The following SDC2 variants were observed in gnomAD, a reference collection of about 807,000 sequenced individuals.
SDC2 encodes syndecan-2.
Under a neutral mutation model 22.2 loss-of-function variants are expected in SDC2, and 13 were observed. The ratio of observed to expected loss-of-function variants is 0.59; its 90% confidence interval spans 0.38 to 0.93. The LOEUF (loss-of-function observed/expected upper bound fraction) is 0.93. SDC2 is among the 40% of genes least tolerant of loss of function. The probability of loss-of-function intolerance (pLI) is 0.00; values close to 1 mark genes in which losing one functional copy is unlikely to be tolerated. For synonymous variants in SDC2, 94 were observed against 92.8 expected, an observed-to-expected ratio of 1.01 and a Z score of -0.07; for missense variants, 235 against 246.8, an observed-to-expected ratio of 0.95 and a Z score of 0.32.
Position 96,602,375 on chromosome 8 carries a change from A to G in SDC2, c.173-20A>G, listed in dbSNP as rs745874667. On this transcript the variant is annotated intron_variant, in intron 2 of 4. Transcript: ENST00000302190. ...GTGTCATGATTGCCATGCTCAGTTC[A>G]TCTTCACTTACTTTTCCAGGAGCTG... is the stretch of plus-strand genomic sequence containing the variant. 6.2e-7 allele frequency: 1 copy of G among 1,613,002 alleles called. No individual in the cohort carries two copies. Among genetic ancestry groups the G allele is most frequent in the East Asian group, 2.2e-5 (1 of 44,858 alleles).
intron 1 of SDC2, among the ~76,000 whole-genome samples, chr8:96,559,669 G>A (rs1302429741): frequency 1.3e-5 from 2 of 152,112 alleles, no homozygotes; most frequent in Non-Finnish European, 2.9e-5. Flanking sequence ...TTTGTTTTGA[G>A]TTTTATACCT....
chr8:96,538,686 G>C (rs1348621708), intron 1 of SDC2: 1 of 152,238 alleles, frequency 6.6e-6, no homozygotes, highest in Non-Finnish European at 1.5e-5. Flanking sequence ...CCCATGCTCT[G>C]ATATTTCAGA....
At chr8:96,601,726 G>C (rs1814991144) in intron 2 of SDC2, among the ~76,000 whole-genome samples, 1 of 151,768 alleles carries the variant, frequency 6.6e-6, no homozygotes, top group African/African-American at 2.4e-5. Flanking sequence ...AGCCATAGGA[G>C]AGTTTTCCTG....
At chr8:96,533,308 T>C (rs10109139) in intron 1 of SDC2, among the ~76,000 whole-genome samples, 10,649 of 152,194 alleles carry the variant, frequency 0.07, 1,231 homozygotes, top group African/African-American at 0.24. Context: ...CCACATCCTG[T>C]TGATTGGTCC....
At chr8:96,580,005 G>C (rs1406686732) in intron 1 of SDC2, among the ~76,000 whole-genome samples, 1 of 152,198 alleles carries the variant, frequency 6.6e-6, no homozygotes, top group Non-Finnish European at 1.5e-5. Flanking sequence ...CCCCCAGCAC[G>C]ATTGATTATA....
chr8:96,536,561 G>A (rs1356434118), intron 1 of SDC2, among the ~76,000 whole-genome samples: 2 of 152,160 alleles, frequency 1.3e-5, no homozygotes, highest in South Asian at 2.1e-4. Flanking sequence ...GACTCAAGCA[G>A]TCCCCCTCCC....
chr8:96,532,216 C>G (rs1271206174), intron 1 of SDC2, among the ~76,000 whole-genome samples: 1 of 152,120 alleles, frequency 6.6e-6, no homozygotes, highest in Non-Finnish European at 1.5e-5. Context: ...GTTTTCATCA[C>G]CATTATTAGT....
At chr8:96,543,813 C>T (rs538093415) in intron 1 of SDC2, among the ~76,000 whole-genome samples, 7 of 152,202 alleles carry the variant, frequency 4.6e-5, no homozygotes, top group South Asian at 4.1e-4. Context: ...ATTATAAGTG[C>T]GTGTTCCTTG....
At chr8:96,576,414 C>CTTTTTTTTTTTT (rs1814502370) in intron 1 of SDC2, among the ~76,000 whole-genome samples, 1 of 14,852 alleles carries the variant, frequency 6.7e-5, no homozygotes. Flanking sequence ...CTTTATTATT[C>CTTTTTTTTTTTT]TCTTTTTTTT....
chr8:96,506,415 A>G (rs1307324442), intron 1 of SDC2, among the ~76,000 whole-genome samples: 1 of 152,026 alleles, frequency 6.6e-6, no homozygotes, highest in Non-Finnish European at 1.5e-5. Flanking sequence ...TAAAAAGTAT[A>G]CATTTATAAT....
chr8:96,507,498 CTT>C (rs1161773549), intron 1 of SDC2, among the ~76,000 whole-genome samples: 1 of 152,142 alleles, frequency 6.6e-6, no homozygotes, highest in African/African-American at 2.4e-5. Context: ...GCTGGTGAAA[CTT>C]CAGGCTAATT....
At chr8:96,536,765 G>C (rs1002401636) in intron 1 of SDC2, among the ~76,000 whole-genome samples, 2 of 152,182 alleles carry the variant, frequency 1.3e-5, no homozygotes, top group Admixed American at 1.3e-4. Context: ...GAAATGCAAA[G>C]GTAGACCAGG....
intron 1 of SDC2, among the ~76,000 whole-genome samples, chr8:96,566,276 G>C (rs1477580436): frequency 2.6e-5 from 4 of 152,206 alleles, no homozygotes; most frequent in Admixed American, 6.5e-5. Flanking sequence ...AGTTGACTTT[G>C]AGAATTCATG....
intron 1 of SDC2, among the ~76,000 whole-genome samples, chr8:96,528,390 A>G (rs1813610907): frequency 6.6e-6 from 1 of 152,198 alleles, no homozygotes; most frequent in East Asian, 1.9e-4. Flanking sequence ...GAAAAATGTC[A>G]AAAGAAAAAA....
intron 1 of SDC2, among the ~76,000 whole-genome samples, chr8:96,553,165 A>G (rs1814053593): frequency 6.6e-6 from 1 of 152,196 alleles, no homozygotes; most frequent in South Asian, 2.1e-4. Context: ...TAAAATAGAA[A>G]TGTGTCTGTG....
intron 1 of SDC2, among the ~76,000 whole-genome samples, chr8:96,541,777 A>G (rs1201280577): frequency 2.0e-5 from 3 of 152,214 alleles, no homozygotes; most frequent in Non-Finnish European, 4.4e-5. Context: ...GAATGTGGTG[A>G]TGATTGCAGA....
At chr8:96,512,267 A>C (rs928202551) in intron 1 of SDC2, among the ~76,000 whole-genome samples, 1 of 152,196 alleles carries the variant, frequency 6.6e-6, no homozygotes, top group African/African-American at 2.4e-5. Flanking sequence ...TAAAAAGGGA[A>C]GACTTTAGGT....
chr8:96,575,161 T>C (rs1814466653), intron 1 of SDC2, among the ~76,000 whole-genome samples: 1 of 152,198 alleles, frequency 6.6e-6, no homozygotes. Flanking sequence ...ACCCCTGTTC[T>C]AGACAACCAG....
intron 4 of SDC2, among the ~76,000 whole-genome samples, chr8:96,608,786 G>T (rs1815127854): frequency 6.6e-6 from 1 of 152,136 alleles, no homozygotes; most frequent in Non-Finnish European, 1.5e-5. Context: ...CATCAGTCTT[G>T]CTCACAGGCA....
Sources: gnomAD v4.1 joint callset for allele counts (sites outside exome capture counted in the v4.1 genomes callset) on GRCh38, gnomAD v4.1.1 for gene constraint, MANE v1.5 for transcripts, NCBI Gene and HGNC (gene_info 2026-07-23, HGNC 2026-07-21) for gene names.